The following DOCK3 variants were observed in gnomAD, a reference collection of about 807,000 sequenced individuals.
DOCK3 encodes dedicator of cytokinesis 3, also known as dedicator of cytokinesis protein 3.
DOCK3 carries 60 observed loss-of-function variants against 265.6 expected under a neutral mutation model. That is an observed-to-expected ratio of 0.23 (90% confidence interval 0.18 to 0.28). The LOEUF (loss-of-function observed/expected upper bound fraction) is 0.28, where lower values mean the gene tolerates loss of function less well. DOCK3 is among the 10% of genes least tolerant of loss of function. DOCK3 has a pLI of 1.00. For synonymous variants in DOCK3, 881 were observed against 938.0 expected (o/e 0.94, Z 1.11); for missense variants, 1,981 against 2,594.3 (o/e 0.76, Z 5.14).
chr3:50,958,978 A>G (rs979192658), intron 5 of DOCK3, among the ~76,000 whole-genome samples: 1 of 152,188 alleles, frequency 6.6e-6, no homozygotes, highest in Non-Finnish European at 1.5e-5. Flanking sequence ...TCTTCAGTCA[A>G]TTTACAAAGT....
chr3:51,182,613 T>C (rs1478879350), intron 12 of DOCK3, among the ~76,000 whole-genome samples: 1 of 152,186 alleles, frequency 6.6e-6, no homozygotes, highest in African/African-American at 2.4e-5. Context: ...CCTTCATATT[T>C]CACCTTGAAG....
chr3:50,683,466 G>T (rs1271624243), intron 1 of DOCK3, among the ~76,000 whole-genome samples: 1 of 152,166 alleles, frequency 6.6e-6, no homozygotes, highest in East Asian at 1.9e-4. Context: ...TTGTCCTAGA[G>T]GGGAATTATG....
intron 23 of DOCK3, among the ~76,000 whole-genome samples, chr3:51,267,379 T>C (rs1381770325): frequency 1.3e-5 from 2 of 150,110 alleles, no homozygotes; most frequent in African/African-American, 4.9e-5. Flanking sequence ...TATGGTTTTT[T>C]TCTTTCTTTT....
At chr3:51,201,313 T>C (rs1260539960) in intron 12 of DOCK3, among the ~76,000 whole-genome samples, 1 of 150,194 alleles carries the variant, frequency 6.7e-6, no homozygotes, top group Non-Finnish European at 1.5e-5. Flanking sequence ...AGGCTCAAAA[T>C]AAAAGGATGG....
At chr3:51,014,612 T>C (rs1292798606) in intron 5 of DOCK3, among the ~76,000 whole-genome samples, 1 of 152,168 alleles carries the variant, frequency 6.6e-6, no homozygotes, top group Admixed American at 6.5e-5. Context: ...TCTTTTTTGC[T>C]CAGAATGGTT....
chr3:50,930,361 G>A (rs2050991778), intron 4 of DOCK3, among the ~76,000 whole-genome samples: 1 of 152,172 alleles, frequency 6.6e-6, no homozygotes, highest in East Asian at 1.9e-4. Context: ...CCCCGCCTTG[G>A]GCGGCTGCAG....
At chr3:51,187,766 T>G (rs1308749565) in intron 12 of DOCK3, among the ~76,000 whole-genome samples, 1 of 151,276 alleles carries the variant, frequency 6.6e-6, no homozygotes, top group Non-Finnish European at 1.5e-5. Context: ...TTTTTTTTTT[T>G]TTTTGCCTGC....
intron 21 of DOCK3, among the ~76,000 whole-genome samples, chr3:51,242,350 A>G (rs1262267521): frequency 6.6e-6 from 1 of 152,130 alleles, no homozygotes; most frequent in East Asian, 1.9e-4. Context: ...GCTGGGTGGT[A>G]TAAGCCAAAG....
At chr3:50,719,268 C>CTTTTT (rs71084106) in intron 1 of DOCK3, among the ~76,000 whole-genome samples, 331 of 137,312 alleles carry the variant, frequency 2.4e-3, no homozygotes, top group Non-Finnish European at 2.8e-3. Context: ...TAGATATTTT[C>CTTTTT]TTTTTTTTTT....
At chr3:50,827,127 TAA>T (rs1314467841) in intron 2 of DOCK3, among the ~76,000 whole-genome samples, 3 of 152,156 alleles carry the variant, frequency 2.0e-5, no homozygotes, top group Non-Finnish European at 4.4e-5. Context: ...GCATGCCATG[TAA>T]AAAGGACCAG....
intron 14 of DOCK3, among the ~76,000 whole-genome samples, chr3:51,223,551 A>G (rs2090192762): frequency 6.6e-6 from 1 of 152,106 alleles, no homozygotes. Flanking sequence ...AAAATTTTAG[A>G]ATAAATAATA....
At chr3:51,298,933 C>T (rs2082241217) in intron 27 of DOCK3, among the ~76,000 whole-genome samples, 1 of 151,924 alleles carries the variant, frequency 6.6e-6, no homozygotes, top group Non-Finnish European at 1.5e-5. Context: ...GGGTATATAC[C>T]CAGTAATAGG....
intron 7 of DOCK3, among the ~76,000 whole-genome samples, chr3:51,080,495 G>A (rs911438323): frequency 2.0e-5 from 3 of 152,152 alleles, no homozygotes; most frequent in Admixed American, 6.5e-5. Context: ...GGGAGGTATT[G>A]GCTGACCAGC....
chr3:50,978,734 C>G (rs1249928916), intron 5 of DOCK3, among the ~76,000 whole-genome samples: 1 of 152,230 alleles, frequency 6.6e-6, no homozygotes, highest in African/African-American at 2.4e-5. Context: ...GCGGGCGCCC[C>G]TCCCCCAGCC....
At chr3:51,348,616 G>A (rs1191520169) in intron 38 of DOCK3, among the ~76,000 whole-genome samples, 3 of 152,200 alleles carry the variant, frequency 2.0e-5, no homozygotes, top group Non-Finnish European at 2.9e-5. Context: ...AAAGCAGTCA[G>A]GGAAGGCCTC....
chr3:50,882,501 C>G (rs941048520), intron 3 of DOCK3, among the ~76,000 whole-genome samples: 1 of 152,158 alleles, frequency 6.6e-6, no homozygotes, highest in Non-Finnish European at 1.5e-5. Flanking sequence ...ATGCAGCCAA[C>G]AGACACGTGA....
At chr3:50,865,843 TTTTAAC>T (rs1309984140) in intron 3 of DOCK3, among the ~76,000 whole-genome samples, 1 of 152,206 alleles carries the variant, frequency 6.6e-6, no homozygotes, top group Non-Finnish European at 1.5e-5. Flanking sequence ...ATATAAGCCA[TTTTAAC>T]TGGGGTGAGA....
At chr3:51,057,198 T>C (rs775596123) in intron 5 of DOCK3, among the ~76,000 whole-genome samples, 1 of 152,234 alleles carries the variant, frequency 6.6e-6, no homozygotes, top group Non-Finnish European at 1.5e-5. Context: ...TATTCTTTTT[T>C]TCTGCAGAGC....
At chr3:50,944,640 T>C (rs2076381223) in intron 5 of DOCK3, among the ~76,000 whole-genome samples, 1 of 152,172 alleles carries the variant, frequency 6.6e-6, no homozygotes, top group Admixed American at 6.5e-5. Context: ...AAGGGAATTT[T>C]CCAGCAACTA....
Sources: gnomAD v4.1 joint callset for allele counts (sites outside exome capture counted in the v4.1 genomes callset) on GRCh38, gnomAD v4.1.1 for gene constraint, MANE v1.5 for transcripts, NCBI Gene and HGNC (gene_info 2026-07-23, HGNC 2026-07-21) for gene names.